The following INTU variants were observed in gnomAD, a reference collection of about 807,000 sequenced individuals.
INTU encodes protein inturned.
A neutral mutation model predicts 100.5 loss-of-function variants in INTU; 68 were observed. That is an observed-to-expected ratio of 0.68 (90% CI 0.56 to 0.83). The LOEUF (loss-of-function observed/expected upper bound fraction) is 0.83, where lower values mean the gene tolerates loss of function less well. Ranked by LOEUF, INTU falls within the 40% of genes least tolerant of loss-of-function variation. The pLI is 0.00. For missense variants in INTU, 1,071 were observed against 1,114.7 expected, an observed-to-expected ratio of 0.96 and a Z score of 0.56; for synonymous variants, 357 against 395.7, an observed-to-expected ratio of 0.90 and a Z score of 1.16.
At chr4:127,681,598 T>C (rs1250463435) in intron 6 of INTU, among the ~76,000 whole-genome samples, 2 of 152,066 alleles carry the variant, frequency 1.3e-5, no homozygotes, top group East Asian at 1.9e-4. Context: ...ATACAAAAAT[T>C]AATTCAAGAT....
Position 127,687,784 on chromosome 4 carries a change from G to C in INTU, c.1366G>C (p.Ala456Pro), listed in dbSNP as rs1438558350. 6.2e-7 allele frequency: 1 copy of C among 1,613,502 alleles called. No homozygotes were observed. The highest frequency in any genetic ancestry group is 1.1e-5 in the South Asian group (1 of 91,010). The change falls in exon 8 of 16, where the codon GCT becomes CCT. Residue 456 changes from alanine to proline, a missense_variant. By Grantham distance (27) the Ala-to-Pro change is conservative. Coordinates refer to ENST00000335251, the MANE Select transcript of INTU (RefSeq NM_015693.4). ...AKLHSSASPS[A>P]QQYDASSAVL... is the part of the protein sequence containing the mutation. ...ACTGCATTCCAGCGCCAGTCCCAGT[G>C]CTCAGCAGTACGATGCTTCCAGTGC...
Position 127,704,223 on chromosome 4 carries a change from C to T in INTU, c.1504-5C>T. ...TATAAAATCCACTATGAATTTTTCCCCCAGTCCGAGGATTACTATGACATG... is the reference window on the plus strand; with the variant it reads ...TATAAAATCCACTATGAATTTTTCCTCCAGTCCGAGGATTACTATGACATG... On this transcript the variant is annotated splice_region_variant and splice_polypyrimidine_tract_variant and intron_variant, in intron 9 of 15. Coordinates refer to ENST00000335251, the MANE Select transcript of INTU (RefSeq NM_015693.4). The T allele has an allele frequency of 6.2e-7, 1 of 1,601,142 alleles. No homozygotes were observed. Among genetic ancestry groups the T allele is most frequent in the South Asian group, 1.1e-5 (1 of 87,528 alleles).
intron 8 of INTU, among the ~76,000 whole-genome samples, chr4:127,692,260 AT>A (rs895094128): frequency 6.7e-6 from 1 of 148,382 alleles, no homozygotes; most frequent in South Asian, 2.1e-4. Context: ...ACCAACATCT[AT>A]TTTTTTTTAT....
chr4:127,674,217 A>C lies in INTU; in HGVS notation c.1181+4A>C, dbSNP rs771467316. ...TAATTGGCCTGCCTGCTGAAGAGTA[A>C]GTTGAGGTTTTGCTTACCTTAAAAT... On this transcript the variant is annotated splice_donor_region_variant and intron_variant, in intron 6 of 15. Transcript: ENST00000335251. The C allele has an allele frequency of 2.5e-6, 4 of 1,601,560 alleles. No homozygotes were observed. In the African/African-American group the frequency reaches 5.4e-5, roughly 21 times the overall value.
intron 6 of INTU, chr4:127,675,880 T>C (rs60794286): frequency 0.011 from 3,327 of 297,244 alleles, 112 homozygotes; most frequent in African/African-American, 0.067. Context: ...ACAATATTTC[T>C]AATTTCCACC....
At chr4:127,663,944 G>A (rs1203461982) in intron 4 of INTU, among the ~76,000 whole-genome samples, 2 of 151,926 alleles carry the variant, frequency 1.3e-5, no homozygotes, top group African/African-American at 4.8e-5. Context: ...ACAATTTTAA[G>A]TGTACAATCT....
intron 2 of INTU, among the ~76,000 whole-genome samples, chr4:127,646,557 A>G (rs2126181270): frequency 6.6e-6 from 1 of 152,350 alleles, no homozygotes; most frequent in South Asian, 2.1e-4. Context: ...GGACTGCAAA[A>G]TGGTGATATT....
chr4:127,686,031 A>C (rs1426881154), intron 7 of INTU: 1 of 152,192 alleles, frequency 6.6e-6, no homozygotes, highest in African/African-American at 2.4e-5. Flanking sequence ...TGTTATTAAT[A>C]GACATTTTGT....
chr4:127,650,063 A>G (rs997496382), intron 2 of INTU, among the ~76,000 whole-genome samples: 3 of 152,176 alleles, frequency 2.0e-5, no homozygotes, highest in Admixed American at 6.5e-5. Context: ...TTTACCAAAC[A>G]TGCAGTGTAT....
rs1468989202 is a variant in INTU at position 127,717,202 on chromosome 4, A to G, written c.*766A>G. On this transcript the variant is annotated 3_prime_UTR_variant, in exon 16 of 16. Coordinates refer to ENST00000335251, the MANE Select transcript of INTU (RefSeq NM_015693.4). Reference sequence around the variant, plus strand: ...CCCCTCCCTTTGTCCATGTGTTCTCATGGTCAGCTCCCACTTATAAGTGAG... The same window carrying G: ...CCCCTCCCTTTGTCCATGTGTTCTCGTGGTCAGCTCCCACTTATAAGTGAG... 1 of 152,032 alleles carries G rather than the reference A, an allele frequency of 6.6e-6. No individual in the cohort carries two copies. Among genetic ancestry groups the G allele is most frequent in the African/African-American group, 2.4e-5 (1 of 41,390 alleles). 9.4% of individuals were successfully genotyped at this position (152,032 alleles called of 1,614,324 possible).
intron 8 of INTU, among the ~76,000 whole-genome samples, chr4:127,689,742 G>A (rs1730018278): frequency 6.6e-6 from 1 of 151,926 alleles, no homozygotes; most frequent in Admixed American, 6.6e-5. Context: ...AAAGGGGAAA[G>A]GAAAGGGGGA....
chr4:127,691,962 G>GTGTATATATATATATATATA lies in INTU; in HGVS notation c.1449+4096_1449+4097insGTATATATATATATATATAT. 2.5e-3 allele frequency among the ~76,000 whole-genome samples: 246 copies of GTGTATATATATATATATATA among 98,230 alleles called. 37 individuals are homozygous for GTGTATATATATATATATATA. Among genetic ancestry groups the GTGTATATATATATATATATA allele is most frequent in the Middle Eastern group, 0.012 (2 of 172 alleles). 64.4% of individuals were successfully genotyped at this position (98,230 alleles called of 152,430 possible). ...GGCGGAGTATAGTGTTCCATGGTAT[G>GTGTATATATATATATATATA]TATATATATATATATATATGTCACA... On this transcript the variant is annotated intron_variant, in intron 8 of 15. Transcript: ENST00000335251.
chr4:127,716,264 T>A (rs1341500814), intron 15 of INTU, 61 bp from the exon 16 acceptor site: 2 of 733,004 alleles, frequency 2.7e-6, no homozygotes, highest in African/African-American at 1.8e-5. Flanking sequence ...AATTGGATGG[T>A]TAGAGTTTTT....
intron 4 of INTU, among the ~76,000 whole-genome samples, chr4:127,668,662 G>T (rs1363908673): frequency 1.3e-5 from 2 of 151,556 alleles, no homozygotes; most frequent in Non-Finnish European, 3.0e-5. Context: ...TGTAACCACA[G>T]GGGACGAGAA....
At chr4:127,710,548 T>C (rs1731055391) in intron 13 of INTU, among the ~76,000 whole-genome samples, 1 of 152,158 alleles carries the variant, frequency 6.6e-6, no homozygotes, top group Middle Eastern at 3.2e-3. Flanking sequence ...TTATGGCTTA[T>C]AGCTATCTGG....
At chr4:127,663,617 T>G in intron 4 of INTU, 33 bp downstream of exon 4, 1 of 1,577,258 alleles carries the variant, frequency 6.3e-7, no homozygotes, top group Non-Finnish European at 8.7e-7. Context: ...AGGAAATAAG[T>G]TTAGTCAAAA....
Position 127,725,183 on chromosome 4 carries a change from T to C in INTU, c.*8747T>C. ...TTAGCCGGGCATGGTGGCAGGTGCC[T>C]GAAGTCCCAGCTACTTGGGAGGCTG... On this transcript the variant is annotated 3_prime_UTR_variant, in exon 16 of 16. Coordinates refer to ENST00000335251, the MANE Select transcript of INTU (RefSeq NM_015693.4). 1 of 149,208 alleles carries C rather than the reference T, an allele frequency of 6.7e-6. No individual in the cohort carries two copies. The allele number at this position is 149,208 out of a possible 1,614,324, so 9.2% of individuals were successfully genotyped here. A position where few individuals can be genotyped will look rare whatever the true frequency, so the allele number is the denominator to read the frequency against.
chr4:127,664,832 C>A (rs1230162260), intron 4 of INTU, among the ~76,000 whole-genome samples: 3 of 151,852 alleles, frequency 2.0e-5, no homozygotes. Flanking sequence ...TCAGTGAGTC[C>A]ATTTATAGAG....
At chr4:127,645,859 T>C (rs1322792976) in intron 2 of INTU, among the ~76,000 whole-genome samples, 1 of 151,928 alleles carries the variant, frequency 6.6e-6, no homozygotes, top group Non-Finnish European at 1.5e-5. Flanking sequence ...CCACCGTGCC[T>C]GGCCAACTGT....
Sources: gnomAD v4.1 joint callset for allele counts (sites outside exome capture counted in the v4.1 genomes callset) on GRCh38, gnomAD v4.1.1 for gene constraint, MANE v1.5 for transcripts, NCBI Gene and HGNC (gene_info 2026-07-23, HGNC 2026-07-21) for gene names.